Variants in C6 observed in about 807,000 individuals in gnomAD.
The protein encoded by C6 is complement C6, also known as complement component C6.
In C6, 101 loss-of-function variants were observed where a neutral mutation model predicts 112.9. The ratio of observed to expected loss-of-function variants is 0.89; its 90% CI spans 0.76 to 1.06. The LOEUF is 1.06. C6 is among the 50% of genes least tolerant of loss of function. The pLI, the probability that C6 is intolerant of heterozygous loss-of-function variation, is 0.00. For missense variants in C6, 1,202 were observed against 1,104.6 expected, an observed-to-expected ratio of 1.09 and a Z score of -1.25; for synonymous variants, 431 against 384.1, an observed-to-expected ratio of 1.12 and a Z score of -1.43.
intron 2 of C6, 151 bp downstream of exon 2, chr5:41,202,937 T>C: frequency 1.2e-6 from 1 of 810,876 alleles, no homozygotes; most frequent in South Asian, 1.5e-5. Flanking sequence ...TTCAACCTCA[T>C]AAGAGAGAGA....
intron 1 of C6, among the ~76,000 whole-genome samples, chr5:41,244,835 G>C (rs1228060514): frequency 2.0e-5 from 3 of 152,026 alleles, no homozygotes; most frequent in Admixed American, 6.5e-5. Context: ...AATTTTCTGA[G>C]AGTTTTAAAT....
At chr5:41,166,010 C>T (rs1747942699) in intron 9 of C6, among the ~76,000 whole-genome samples, 1 of 152,058 alleles carries the variant, frequency 6.6e-6, no homozygotes, top group Non-Finnish European at 1.5e-5. Context: ...AATAGTAAGT[C>T]TGTGAATTTC....
intron 17 of C6, among the ~76,000 whole-genome samples, chr5:41,148,087 G>C (rs1746012142): frequency 6.6e-6 from 1 of 152,108 alleles, no homozygotes; most frequent in Non-Finnish European, 1.5e-5. Flanking sequence ...TATTTACCTA[G>C]AAATGTCCCT....
intron 17 of C6, 78 bp downstream of exon 17, chr5:41,149,163 T>A: frequency 3.3e-6 from 5 of 1,522,782 alleles, no homozygotes; most frequent in Non-Finnish European, 2.7e-6. Context: ...AAGGATAGGT[T>A]ATTTTTAAGA....
At chr5:41,178,580 A>G (rs1749060677) in intron 7 of C6, among the ~76,000 whole-genome samples, 3 of 138,372 alleles carry the variant, frequency 2.2e-5, no homozygotes, top group Middle Eastern at 4.1e-3. Flanking sequence ...GGTTCAAGTG[A>G]TTCTCCTGCC....
intron 1 of C6, among the ~76,000 whole-genome samples, chr5:41,239,061 A>G (rs774895134): frequency 6.2e-5 from 9 of 146,238 alleles, no homozygotes; most frequent in Admixed American, 2.7e-4. Flanking sequence ...AAGTCAGGGT[A>G]TTTTGGGTAT....
chr5:41,199,008 G>A (rs1750811351), intron 4 of C6, among the ~76,000 whole-genome samples: 1 of 152,090 alleles, frequency 6.6e-6, no homozygotes, highest in Non-Finnish European at 1.5e-5. Context: ...TTCCAGGTTT[G>A]GGGTGGAGGT....
intron 3 of C6, among the ~76,000 whole-genome samples, chr5:41,200,843 T>C (rs1750958772): frequency 6.6e-6 from 1 of 151,328 alleles, no homozygotes; most frequent in Non-Finnish European, 1.5e-5. Flanking sequence ...TTCTGTCTGG[T>C]TTAAAATCTT....
intron 1 of C6, among the ~76,000 whole-genome samples, chr5:41,204,476 G>T (rs1751269842): frequency 6.6e-6 from 1 of 152,036 alleles, no homozygotes; most frequent in Non-Finnish European, 1.5e-5. Context: ...ATGAGTTTCT[G>T]ATTATATTTC....
rs770882688 is a variant in C6 at position 41,199,909 on chromosome 5, T to C, written c.304A>G (p.Lys102Glu). Residue 102 changes from lysine (K) to glutamate (E), a missense_variant, in exon 4 of 18, where the codon AAA becomes GAA. Physicochemically the swap from Lys to Glu is moderately conservative, Grantham distance 56. Coordinates refer to ENST00000337836, the MANE Select transcript of C6 (RefSeq NM_000065.5). Reference sequence around the variant, plus strand: ...CTGGGACGCAAGACAGATCTAACTTTAGACTGAAAGGAAAGAAGAGAAAGA... The same window carrying C: ...CTGGGACGCAAGACAGATCTAACTTCAGACTGAAAGGAAAGAAGAGAAAGA... Reference protein sequence around the residue: ...DCDPCIEKQSKVRSVLRPSQF... With the variant: ...DCDPCIEKQSEVRSVLRPSQF... 17 of 1,613,520 alleles carry C rather than the reference T, an allele frequency of 1.1e-5. No individual in the cohort carries two copies. Among genetic ancestry groups the C allele is most frequent in the Non-Finnish European group, 1.4e-5 (17 of 1,179,624 alleles).
At chr5:41,261,148 C>G (rs1166730260) in intron 1 of C6, 1 of 972,740 alleles carries the variant, frequency 1.0e-6, no homozygotes, top group East Asian at 1.1e-4. Context: ...ACCTCATATG[C>G]ATGCCCACCA....
At position 41,149,316 on chromosome 5, in the gene C6, T is replaced by A; in HGVS notation, c.2548A>T (p.Thr850Ser). 2 of 1,614,014 alleles carry A rather than the reference T, an allele frequency of 1.2e-6. No individual in the cohort carries two copies. The highest frequency in any genetic ancestry group is 1.7e-6 in the Non-Finnish European group (2 of 1,179,928). The change falls in exon 17 of 18, where the codon ACA becomes TCA. Residue 850 changes from threonine to serine, a missense_variant. By Grantham distance (58) the Thr-to-Ser change is moderately conservative (BLOSUM62 1). Coordinates refer to ENST00000337836, the MANE Select transcript of C6 (RefSeq NM_000065.5). ...TTTGTGCTGTTGGATGAAAGTCTTG[T>A]CCTTTCAAGACCCCATTCTAACTGG... ...GRQLEWGLER[T>S]RLSSNSTKKE...
intron 10 of C6, among the ~76,000 whole-genome samples, chr5:41,160,731 G>T (rs1015213115): frequency 3.9e-5 from 6 of 152,128 alleles, no homozygotes; most frequent in Non-Finnish European, 8.8e-5. Flanking sequence ...CATTAAATTT[G>T]ATTCAAGCAG....
rs184103913 is a variant in C6, at chr5:41,256,496, C to T, written c.-21+4698G>A. 1.3e-3 allele frequency among the ~76,000 whole-genome samples: 193 copies of T among 149,088 alleles called. 4 individuals are homozygous for T. In the South Asian group the frequency reaches 0.04, roughly 31 times the overall value. On this transcript the variant is annotated intron_variant, in intron 1 of 17. Transcript: ENST00000263413. ...TCTACAGGCCTCAGGCTGGACTGCA[C>T]CACCCAGACTGCTAAGCTTCCCTTA...
chr5:41,205,395 T>C (rs1430887934), intron 1 of C6, among the ~76,000 whole-genome samples: 11 of 152,026 alleles, frequency 7.2e-5, no homozygotes, highest in East Asian at 3.9e-4. Context: ...GCGCAGTCCA[T>C]GGAGTGTGAG....
intron 1 of C6, among the ~76,000 whole-genome samples, chr5:41,235,201 T>A (rs1365548115): frequency 7.0e-6 from 1 of 142,936 alleles, no homozygotes; most frequent in Non-Finnish European, 1.5e-5. Flanking sequence ...GCATTAGGTA[T>A]ATCTCCCAAT....
intron 4 of C6, among the ~76,000 whole-genome samples, chr5:41,196,542 G>T (rs1005651113): frequency 4.0e-5 from 6 of 151,784 alleles, no homozygotes; most frequent in Non-Finnish European, 7.4e-5. Flanking sequence ...TCTATATCTT[G>T]ACATAGGATT....
chr5:41,235,058 C>A (rs975326200), intron 1 of C6, among the ~76,000 whole-genome samples: 2 of 124,840 alleles, frequency 1.6e-5, no homozygotes, highest in South Asian at 5.1e-4. Context: ...CATTCTCATT[C>A]TTTTTTTTTT....
chr5:41,244,860 GA>G (rs1392798986), intron 1 of C6, among the ~76,000 whole-genome samples: 1 of 152,104 alleles, frequency 6.6e-6, no homozygotes, highest in Non-Finnish European at 1.5e-5. Flanking sequence ...AATGAGTTAT[GA>G]ATTAGCAATG....
Sources: gnomAD v4.1 joint callset for allele counts (sites outside exome capture counted in the v4.1 genomes callset) on GRCh38, gnomAD v4.1.1 for gene constraint, MANE v1.5 for transcripts, NCBI Gene and HGNC (gene_info 2026-07-23, HGNC 2026-07-21) for gene names.